SH3BGRL2: variants seen among roughly 807,000 people sequenced by gnomAD.
SH3BGRL2 encodes SH3 domain-binding glutamic acid-rich-like protein 2.
SH3BGRL2 carries 21 observed loss-of-function variants against 14.8 expected under a neutral mutation model. The observed-to-expected ratio is 1.42, with a 90% confidence interval of 1.01 to 2.05. The LOEUF (loss-of-function observed/expected upper bound fraction) is 2.05, where lower values mean the gene tolerates loss of function less well. Ranked by LOEUF, SH3BGRL2 falls within the 30% of genes most tolerant of loss-of-function variation. SH3BGRL2 has a pLI of 0.00. For missense variants in SH3BGRL2, 147 were observed against 130.8 expected, an observed-to-expected ratio of 1.12 and a Z score of -0.61; for synonymous variants, 50 against 47.8, an observed-to-expected ratio of 1.05 and a Z score of -0.19.
rs1396691546 is a variant in SH3BGRL2, at chr6:79,685,817, T to A, written c.232-10668T>A. Among the ~76,000 whole-genome samples the A allele has an allele frequency of 2.0e-5, 3 of 152,142 alleles. No homozygotes were observed. The East Asian group carries it at 5.8e-4, about 29-fold the overall frequency. On this transcript the variant is annotated intron_variant, in intron 2 of 3. Coordinates refer to ENST00000369838, the MANE Select transcript of SH3BGRL2 (RefSeq NM_031469.4). ...AGGGAGAATGACACAAATGTCAATA[T>A]CCAAGGGAACCTCTTAATACATTTT...
At position 79,634,156 on chromosome 6, in the gene SH3BGRL2, T is replaced by C. The variant is rs116777184; in HGVS notation, c.45+2650T>C. The stretch of plus-strand genomic sequence containing the variant: ...ATGCTCCGCTTCAATCATCAATAGA[T>C]TTAAACAATCTATTTAGAGAAAATC... On this transcript the variant is annotated intron_variant, in intron 1 of 3. Transcript: ENST00000369838. Among the ~76,000 whole-genome samples the C allele has an allele frequency of 9.1e-3, 1,376 of 151,666 alleles. 23 individuals carry two copies. Among genetic ancestry groups the C allele is most frequent in the African/African-American group, 0.032 (1,315 of 41,490 alleles).
chr6:79,652,938 A>G (rs1436154513), intron 1 of SH3BGRL2, among the ~76,000 whole-genome samples: 1 of 152,084 alleles, frequency 6.6e-6, no homozygotes, highest in African/African-American at 2.4e-5. Context: ...CATTAGGTAA[A>G]TCAATGATAA....
chr6:79,604,464 G>A, the SH3BGRL2 span, among the ~76,000 whole-genome samples: 34 of 152,192 alleles, frequency 2.2e-4, no homozygotes, highest in Non-Finnish European at 4.3e-4. Context: ...GTTGGAGAAT[G>A]TTCCAAACAG....
At chr6:79,687,965 C>T (rs956720052) in intron 2 of SH3BGRL2, among the ~76,000 whole-genome samples, 2 of 152,150 alleles carry the variant, frequency 1.3e-5, no homozygotes, top group Non-Finnish European at 2.9e-5. Flanking sequence ...GCTTTCCTAA[C>T]TGTTCTCTCC....
intron 2 of SH3BGRL2, among the ~76,000 whole-genome samples, chr6:79,690,953 C>T (rs889873059): frequency 6.6e-6 from 1 of 152,170 alleles, no homozygotes; most frequent in African/African-American, 2.4e-5. Flanking sequence ...ACAATAATTT[C>T]TCTCATGAAC....
intron 1 of SH3BGRL2, among the ~76,000 whole-genome samples, chr6:79,667,990 T>TA (rs57327249): frequency 0.83 from 125,811 of 151,654 alleles, 52,326 homozygotes; most frequent in East Asian, 0.98. Context: ...ATCTCAATGT[T>TA]AAAAAAACTC....
At chr6:79,683,056 G>T in intron 2 of SH3BGRL2, among the ~76,000 whole-genome samples, 1 of 152,158 alleles carries the variant, frequency 6.6e-6, no homozygotes, top group Non-Finnish European at 1.5e-5. Flanking sequence ...GTCGAGCGGG[G>T]GAGCTGGGGG....
At chr6:79,566,783 G>A in the SH3BGRL2 span, among the ~76,000 whole-genome samples, 4 of 151,838 alleles carry the variant, frequency 2.6e-5, no homozygotes, top group Non-Finnish European at 5.9e-5. Flanking sequence ...GGGCATGGTG[G>A]CTACTCAAAA....
At position 79,673,169 on chromosome 6, in the gene SH3BGRL2, G is replaced by A. The variant is rs1364010323; in HGVS notation, c.46-445G>A. On this transcript the variant is annotated intron_variant, in intron 1 of 3. Coordinates refer to ENST00000369838, the MANE Select transcript of SH3BGRL2 (RefSeq NM_031469.4). The stretch of plus-strand genomic sequence containing the variant: ...GTGAGGGTGGGGTTGGGGTGGGATG[G>A]GGAGTGGTTATGGCCCACTGAGAAC... Among the ~76,000 whole-genome samples, 3 of 152,028 alleles carry A rather than the reference G, an allele frequency of 2.0e-5. No individual in the cohort carries two copies. The East Asian group carries it at 5.8e-4, about 29-fold the overall frequency.
At chr6:79,610,130 C>G in the SH3BGRL2 span, among the ~76,000 whole-genome samples, 1 of 152,166 alleles carries the variant, frequency 6.6e-6, no homozygotes, top group Non-Finnish European at 1.5e-5. Flanking sequence ...GGAAGGCACA[C>G]TATTACTATC....
chr6:79,539,866 T>C, the SH3BGRL2 span, among the ~76,000 whole-genome samples: 1 of 152,184 alleles, frequency 6.6e-6, no homozygotes, highest in Non-Finnish European at 1.5e-5. Flanking sequence ...AGTATAATTA[T>C]CCTTAGCTAA....
upstream of SH3BGRL2, among the ~76,000 whole-genome samples, chr6:79,628,612 C>T (rs1768772448): frequency 6.6e-6 from 1 of 152,122 alleles, no homozygotes. Flanking sequence ...TCCTAGATTG[C>T]ATTCTGCTCT....
chr6:79,631,446 C>A lies in SH3BGRL2; in HGVS notation c.-16C>A. 4 of 1,517,662 alleles carry A rather than the reference C, an allele frequency of 2.6e-6. No homozygotes were observed. The highest frequency in any genetic ancestry group is 3.5e-6 in the Non-Finnish European group (4 of 1,132,590). 94.0% of individuals were successfully genotyped at this position (1,517,662 alleles called of 1,614,324 possible). ...AGCCCGGGGGGCAAGGGGTCTGTCC[C>A]GGGCGCAGCGAGAGGATGGTCATCC... On this transcript the variant is annotated 5_prime_UTR_variant, in exon 1 of 4. Transcript: ENST00000369838.
At chr6:79,550,956 C>T in the SH3BGRL2 span, among the ~76,000 whole-genome samples, 3 of 152,094 alleles carry the variant, frequency 2.0e-5, no homozygotes, top group South Asian at 6.2e-4. Context: ...CTCACAAAAC[C>T]AGCGAAGATT....
At chr6:79,618,932 A>G in the SH3BGRL2 span, among the ~76,000 whole-genome samples, 1 of 151,160 alleles carries the variant, frequency 6.6e-6, no homozygotes, top group African/African-American at 2.4e-5. Context: ...AAAAAGATAA[A>G]CAGTAAGTGT....
chr6:79,560,703 T>TTAG, the SH3BGRL2 span, among the ~76,000 whole-genome samples: 1 of 152,112 alleles, frequency 6.6e-6, no homozygotes, highest in African/African-American at 2.4e-5. Context: ...GGCATATGTG[T>TTAG]TAGTATTTTT....
At chr6:79,634,577 C>T (rs1562143397) in intron 1 of SH3BGRL2, among the ~76,000 whole-genome samples, 1 of 151,968 alleles carries the variant, frequency 6.6e-6, no homozygotes, top group African/African-American at 2.4e-5. Flanking sequence ...TCATTTATTC[C>T]GTCAGTCAGT....
At chr6:79,626,076 G>T in the SH3BGRL2 span, among the ~76,000 whole-genome samples, 1 of 152,110 alleles carries the variant, frequency 6.6e-6, no homozygotes, top group Non-Finnish European at 1.5e-5. Context: ...TAAGAACAGG[G>T]CAGCCCTAAC....
At chr6:79,611,802 A>G in the SH3BGRL2 span, among the ~76,000 whole-genome samples, 1 of 152,170 alleles carries the variant, frequency 6.6e-6, no homozygotes, top group Non-Finnish European at 1.5e-5. Flanking sequence ...CAACTCAGCC[A>G]TTTACTAGCT....
Sources: allele counts gnomAD v4.1 joint callset (sites outside exome capture counted in the v4.1 genomes callset), GRCh38; gene constraint gnomAD v4.1.1; transcripts MANE v1.5; gene names NCBI Gene and HGNC (gene_info 2026-07-23, HGNC 2026-07-21).